Variants in RAB1A observed in about 807,000 individuals in gnomAD.
The protein encoded by RAB1A is RAB1A, member RAS oncogene family, also known as ras-related protein Rab-1A.
Under a neutral mutation model 26.0 loss-of-function variants are expected in RAB1A, and 2 were observed. The observed-to-expected ratio is 0.08, with a 90% CI of 0.03 to 0.24. RAB1A has a LOEUF of 0.24. Ranked by LOEUF, RAB1A falls within the 10% of genes least tolerant of loss-of-function variation. RAB1A has a pLI of 1.00. For missense variants in RAB1A, 100 were observed against 247.0 expected, an observed-to-expected ratio of 0.40 and a Z score of 3.99; for synonymous variants, 84 against 84.9, an observed-to-expected ratio of 0.99 and a Z score of 0.06.
intron 3 of RAB1A, among the ~76,000 whole-genome samples, chr2:65,094,498 C>T (rs1573065641): frequency 6.6e-6 from 1 of 151,384 alleles, no homozygotes; most frequent in East Asian, 1.9e-4. Flanking sequence ...GCAGAAGAAT[C>T]GCTTGAACCT....
At chr2:65,099,566 A>G (rs1192151592) in intron 2 of RAB1A, among the ~76,000 whole-genome samples, 1 of 152,202 alleles carries the variant, frequency 6.6e-6, no homozygotes, top group Admixed American at 6.5e-5. Context: ...GCTAGCCAAT[A>G]TGGTAGCCAT....
rs1669084658 is a variant in RAB1A at position 65,088,320 on chromosome 2, G to C, written c.*173C>G. ...CTGAAAATGAAGTTAGCTGTCTTGA[G>C]TCAAGGGAATAAAAAAAAAGTCAGT... is the stretch of plus-strand genomic sequence containing the variant. On this transcript the variant is annotated 3_prime_UTR_variant, in exon 6 of 6. Coordinates refer to ENST00000409784, the MANE Select transcript of RAB1A (RefSeq NM_004161.5). The C allele has an allele frequency of 1.8e-6, 1 of 556,934 alleles. No individual in the cohort carries two copies. The highest frequency in any genetic ancestry group is 2.7e-5 in the South Asian group (1 of 37,080). The allele number at this position is 556,934 out of a possible 1,614,324, so 34.5% of individuals were successfully genotyped here.
chr2:65,095,088 A>C (rs1020825714), intron 3 of RAB1A, among the ~76,000 whole-genome samples: 1 of 152,236 alleles, frequency 6.6e-6, no homozygotes, highest in African/African-American at 2.4e-5. Context: ...GCTGCACTCT[A>C]GCGAGGGAGA....
intron 1 of RAB1A, among the ~76,000 whole-genome samples, chr2:65,110,607 A>C (rs570387510): frequency 3.3e-5 from 5 of 152,248 alleles, no homozygotes; most frequent in Admixed American, 1.3e-4. Flanking sequence ...AGAAATGAGA[A>C]AAACAGAAAA....
At chr2:65,094,482 G>A (rs1669239016) in intron 3 of RAB1A, among the ~76,000 whole-genome samples, 2 of 151,958 alleles carry the variant, frequency 1.3e-5, no homozygotes. Flanking sequence ...TACTAGGGAG[G>A]CTGAGGCAGA....
intron 2 of RAB1A, among the ~76,000 whole-genome samples, chr2:65,099,741 C>G (rs1409950305): frequency 6.6e-6 from 1 of 152,190 alleles, no homozygotes; most frequent in African/African-American, 2.4e-5. Flanking sequence ...CTTGGCCTCC[C>G]AAAGTGCTGG....
At chr2:65,107,647 A>G (rs75143863) in intron 1 of RAB1A, among the ~76,000 whole-genome samples, 2,301 of 152,198 alleles carry the variant, frequency 0.015, 39 homozygotes, top group Middle Eastern at 0.061. Flanking sequence ...GTTTTTAAAC[A>G]GAAGTTTCAA....
chr2:65,094,584 C>A (rs1469814093), intron 3 of RAB1A, among the ~76,000 whole-genome samples: 19 of 121,032 alleles, frequency 1.6e-4, no homozygotes, highest in African/African-American at 2.5e-4. Flanking sequence ...AACTCCGTCT[C>A]AAAAAAAAAA....
intron 1 of RAB1A, among the ~76,000 whole-genome samples, chr2:65,114,807 T>TGCAGTCC (rs1409337051): frequency 1.3e-5 from 2 of 150,498 alleles, no homozygotes; most frequent in African/African-American, 4.9e-5. Flanking sequence ...ATTGCGCCAC[T>TGCAGTCC]GCAGTCCGCA....
At chr2:65,106,905 T>G (rs1245518208) in intron 1 of RAB1A, among the ~76,000 whole-genome samples, 1 of 152,028 alleles carries the variant, frequency 6.6e-6, no homozygotes, top group African/African-American at 2.4e-5. Context: ...AGTCTTGCTC[T>G]GTTGCTCAAG....
intron 1 of RAB1A, among the ~76,000 whole-genome samples, chr2:65,122,466 G>C (rs957708448): frequency 2.0e-5 from 3 of 152,064 alleles, no homozygotes; most frequent in African/African-American, 7.2e-5. Context: ...GCTGAGGTGG[G>C]AGGATCACTG....
chr2:65,114,815 G>A (rs1319023494), intron 1 of RAB1A, among the ~76,000 whole-genome samples: 11 of 150,920 alleles, frequency 7.3e-5, no homozygotes, highest in South Asian at 2.1e-4. Flanking sequence ...ACTGCAGTCC[G>A]CAGTCCGGCC....
intron 1 of RAB1A, among the ~76,000 whole-genome samples, chr2:65,125,747 A>C (rs1354471926): frequency 1.3e-5 from 2 of 151,340 alleles, no homozygotes; most frequent in Admixed American, 6.6e-5. Context: ...TGAAATAATC[A>C]CTGCCTGCTT....
At chr2:65,126,378 C>G (rs1236110042) in intron 1 of RAB1A, among the ~76,000 whole-genome samples, 1 of 151,872 alleles carries the variant, frequency 6.6e-6, no homozygotes, top group African/African-American at 2.4e-5. Context: ...CACAGTGGCT[C>G]ACGCCTGTAA....
Position 65,128,331 on chromosome 2 carries a change from T to C in RAB1A, c.23+1562A>G, listed in dbSNP as rs532591269. 4.6e-5 allele frequency among the ~76,000 whole-genome samples: 7 copies of C among 152,190 alleles called. No individual in the cohort carries two copies. The South Asian group carries it at 6.2e-4, about 14-fold the overall frequency. On this transcript the variant is annotated intron_variant, in intron 1 of 5. Coordinates refer to ENST00000409784, the MANE Select transcript of RAB1A (RefSeq NM_004161.5). ...CAAATTCAGAAAATTTCCTGAACAG[T>C]AGAGGTCTATAAACCTCGATAAAGC...
chr2:65,105,895 T>A (rs1669545019), intron 1 of RAB1A, among the ~76,000 whole-genome samples: 1 of 152,136 alleles, frequency 6.6e-6, no homozygotes, highest in African/African-American at 2.4e-5. Context: ...CCCGAGTAGC[T>A]GGGATTATAG....
chr2:65,090,860 CAA>C (rs1410699380), intron 4 of RAB1A, 121 bp downstream of exon 4: 2 of 516,940 alleles, frequency 3.9e-6, no homozygotes, highest in Non-Finnish European at 6.4e-6. Context: ...TGAGAGTGGA[CAA>C]AGTTTTCTGC....
rs1325138082 is a variant in RAB1A at position 65,097,928 on chromosome 2, T to C, written c.192+43A>G. On this transcript the variant is annotated intron_variant, in intron 3 of 5. Transcript: ENST00000409784. Reference sequence around the variant, plus strand: ...ACAAAATAACAATACATTACAAATTTACCAAAATAAATTTCAAAAAAATTA... The same window carrying C: ...ACAAAATAACAATACATTACAAATTCACCAAAATAAATTTCAAAAAAATTA... 3 of 1,156,198 alleles carry C rather than the reference T, an allele frequency of 2.6e-6. No individual in the cohort carries two copies. The African/African-American group carries it at 4.7e-5, about 18-fold the overall frequency. 71.6% of individuals were successfully genotyped at this position (1,156,198 alleles called of 1,614,324 possible). A position where few individuals can be genotyped will look rare whatever the true frequency, so the allele number is the denominator to read the frequency against.
At chr2:65,103,588 A>G (rs1393862949) in intron 2 of RAB1A, among the ~76,000 whole-genome samples, 2 of 152,064 alleles carry the variant, frequency 1.3e-5, no homozygotes, top group Non-Finnish European at 2.9e-5. Flanking sequence ...CATCACTGAA[A>G]AACGCAAACA....
Sources: allele counts gnomAD v4.1 joint callset (sites outside exome capture counted in the v4.1 genomes callset), GRCh38; gene constraint gnomAD v4.1.1; transcripts MANE v1.5; gene names NCBI Gene and HGNC (gene_info 2026-07-23, HGNC 2026-07-21).